POU2F3: variants seen among roughly 807,000 people sequenced by gnomAD.
POU2F3 encodes the protein POU domain, class 2, transcription factor 3.
A neutral mutation model predicts 59.2 loss-of-function variants in POU2F3; 23 were observed. The observed-to-expected ratio is 0.39, with a 90% confidence interval of 0.28 to 0.55. The LOEUF (loss-of-function observed/expected upper bound fraction) is 0.55, where lower values mean the gene tolerates loss of function less well. POU2F3 is among the 20% of genes least tolerant of loss of function. POU2F3 has a pLI of 0.66. For synonymous variants in POU2F3, 190 were observed against 214.6 expected (o/e 0.89, Z 1.00); for missense variants, 473 against 544.5 (o/e 0.87, Z 1.31).
At chr11:120,282,499 CA>C (rs1341351512) in intron 3 of POU2F3, among the ~76,000 whole-genome samples, 1 of 152,008 alleles carries the variant, frequency 6.6e-6, no homozygotes, top group Non-Finnish European at 1.5e-5. Flanking sequence ...CTACTAAAAA[CA>C]TAAAAACTAG....
intron 3 of POU2F3, among the ~76,000 whole-genome samples, chr11:120,288,127 C>CAAAAAAAAAAAAAAAAA (rs1491240764): frequency 1.3e-4 from 1 of 7,632 alleles, no homozygotes; most frequent in African/African-American, 3.4e-4. Context: ...AACAAAAAAA[C>CAAAAAAAAAAAAAAAAA]CAAAAAAAAA....
chr11:120,306,060 A>C (rs992942247), intron 8 of POU2F3, among the ~76,000 whole-genome samples: 1 of 152,100 alleles, frequency 6.6e-6, no homozygotes, highest in African/African-American at 2.4e-5. Context: ...CCCAGCATAG[A>C]TCTTAGGACA....
At chr11:120,300,938 A>T in intron 5 of POU2F3, 1 of 441,592 alleles carries the variant, frequency 2.3e-6, no homozygotes. Context: ...TATTATGGTG[A>T]TGAATGAGAC....
chr11:120,314,594 T>C (rs1210253782), intron 10 of POU2F3, among the ~76,000 whole-genome samples: 1 of 152,252 alleles, frequency 6.6e-6, no homozygotes, highest in African/African-American at 2.4e-5. Flanking sequence ...TCAGTAGGGT[T>C]AGATAACTTG....
intron 8 of POU2F3, 39 bp from the exon 9 acceptor site, chr11:120,307,440 C>T: frequency 6.2e-7 from 1 of 1,608,952 alleles, no homozygotes; most frequent in Non-Finnish European, 8.5e-7. Flanking sequence ...CCACTCATCC[C>T]CTTCTCTGAG....
intron 8 of POU2F3, among the ~76,000 whole-genome samples, chr11:120,306,687 C>T (rs565721051): frequency 4.6e-5 from 7 of 152,126 alleles, no homozygotes; most frequent in South Asian, 4.2e-4. Context: ...TCTATTCAGT[C>T]GATTCATATG....
At chr11:120,309,383 T>C in intron 9 of POU2F3, 42 bp from the exon 10 acceptor site, 1 of 1,550,352 alleles carries the variant, frequency 6.5e-7, no homozygotes, top group Non-Finnish European at 8.9e-7. Flanking sequence ...CTGCCCCTGA[T>C]TCCCTTCTCT....
At chr11:120,255,669 C>G (rs1939310011) in intron 2 of POU2F3, among the ~76,000 whole-genome samples, 1 of 152,124 alleles carries the variant, frequency 6.6e-6, no homozygotes, top group African/African-American at 2.4e-5. Context: ...CACCCCATCT[C>G]CACGGGACCC....
intron 3 of POU2F3, among the ~76,000 whole-genome samples, chr11:120,280,308 T>G (rs1940510730): frequency 6.6e-6 from 1 of 152,162 alleles, no homozygotes; most frequent in African/African-American, 2.4e-5. Flanking sequence ...GCAGTAGATT[T>G]TATATTTCCA....
Position 120,319,370 on chromosome 11 carries a change from G to A in POU2F3, c.*978G>A, listed in dbSNP as rs1335716174. On this transcript the variant is annotated 3_prime_UTR_variant, in exon 13 of 13. Transcript: ENST00000543440. ...TTTTATCTTCTTTAAAAAAAAGGGG[G>A]GGAAATACCAAAGTGTGAAATACTG... 1.3e-5 allele frequency: 2 copies of A among 152,222 alleles called. No individual in the cohort carries two copies. Among genetic ancestry groups the A allele is most frequent in the African/African-American group, 4.8e-5 (2 of 41,298 alleles). 9.4% of individuals were successfully genotyped at this position (152,222 alleles called of 1,614,324 possible). A position where few individuals can be genotyped will look rare whatever the true frequency, so the allele number is the denominator to read the frequency against.
At chr11:120,249,394 T>C (rs1486453362) in intron 2 of POU2F3, among the ~76,000 whole-genome samples, 1 of 152,204 alleles carries the variant, frequency 6.6e-6, no homozygotes, top group Non-Finnish European at 1.5e-5. Flanking sequence ...TCGCCCAGGC[T>C]GGAGTGCAGT....
chr11:120,288,127 CCAAAAA>C (rs1940855611), intron 3 of POU2F3, among the ~76,000 whole-genome samples: 1 of 7,632 alleles, frequency 1.3e-4, no homozygotes, highest in East Asian at 2.0e-3. Flanking sequence ...AACAAAAAAA[CCAAAAA>C]AAAAAAAAAA....
chr11:120,255,721 G>GT (rs1939313705), intron 2 of POU2F3, among the ~76,000 whole-genome samples: 3 of 152,070 alleles, frequency 2.0e-5, no homozygotes, highest in African/African-American at 7.2e-5. Flanking sequence ...GCTGGGCTGG[G>GT]TGTTATAACT....
In POU2F3 at chr11:120,302,188, G is replaced by T. The variant is rs1941366453; in HGVS notation, c.362-98G>T. 4.0e-6 allele frequency: 4 copies of T among 1,009,372 alleles called. No homozygotes were observed. The East Asian group carries it at 1.0e-4, about 26-fold the overall frequency. 62.5% of individuals were successfully genotyped at this position (1,009,372 alleles called of 1,614,324 possible). On this transcript the variant is annotated intron_variant, in intron 5 of 12. Coordinates refer to ENST00000543440, the MANE Select transcript of POU2F3 (RefSeq NM_014352.4). ...GGAGGGACCTGATCAGGTGGCAGGG[G>T]GTGGGGACAGTGATCGTGGTGCCAA...
chr11:120,281,483 A>T (rs1591410571), intron 3 of POU2F3, among the ~76,000 whole-genome samples: 1 of 151,564 alleles, frequency 6.6e-6, no homozygotes, highest in South Asian at 2.1e-4. Context: ...CCCACTGATC[A>T]CCGCTGCCTT....
intron 3 of POU2F3, among the ~76,000 whole-genome samples, chr11:120,291,354 T>G (rs933174815): frequency 2.6e-5 from 4 of 152,222 alleles, no homozygotes; most frequent in Non-Finnish European, 5.9e-5. Flanking sequence ...CAGCCCTGGC[T>G]TGGTCTTTAG....
At chr11:120,290,840 G>A (rs548254516) in intron 3 of POU2F3, among the ~76,000 whole-genome samples, 12 of 152,356 alleles carry the variant, frequency 7.9e-5, no homozygotes, top group Admixed American at 5.9e-4. Flanking sequence ...GCGTGCACGC[G>A]TGTGTACGTT....
In POU2F3 at chr11:120,294,936, C is replaced by T. The variant is rs750058674; in HGVS notation, c.133-3329C>T. On this transcript the variant is annotated intron_variant, in intron 3 of 12. Transcript: ENST00000543440. The stretch of plus-strand genomic sequence containing the variant: ...TAAAAGATTCCATATCCAAAGGAAC[C>T]GTAAAGAAGATAAAAATAAATAAAT... Among the ~76,000 whole-genome samples the T allele has an allele frequency of 9.9e-5, 15 of 151,638 alleles. 1 individual carries two copies. In the South Asian group the frequency reaches 1.9e-3, roughly 19 times the overall value.
intron 3 of POU2F3, among the ~76,000 whole-genome samples, chr11:120,279,282 C>A (rs1372233572): frequency 6.6e-6 from 1 of 152,048 alleles, no homozygotes; most frequent in East Asian, 1.9e-4. Context: ...GCCTCTGATT[C>A]CTCATGTGAA....
Sources: gnomAD v4.1 joint callset for allele counts (sites outside exome capture counted in the v4.1 genomes callset) on GRCh38, gnomAD v4.1.1 for gene constraint, MANE v1.5 for transcripts, NCBI Gene and HGNC (gene_info 2026-07-23, HGNC 2026-07-21) for gene names.